The following ASIC2 variants were observed in gnomAD, a reference collection of about 807,000 sequenced individuals.
ASIC2 encodes the protein acid sensing ion channel subunit 2, also known as acid-sensing ion channel 2.
Under a neutral mutation model 57.3 loss-of-function variants are expected in ASIC2, and 25 were observed. That is an observed-to-expected ratio of 0.44 (90% CI 0.32 to 0.61). The LOEUF is 0.61. Among genes scored for constraint, ASIC2 ranks in the 20% least tolerant of loss-of-function variants. The pLI, the probability that ASIC2 is intolerant of heterozygous loss-of-function variation, is 0.06. For synonymous variants in ASIC2, 319 were observed against 307.5 expected (o/e 1.04, Z -0.39); for missense variants, 641 against 738.1 (o/e 0.87, Z 1.52).
intron 1 of ASIC2, among the ~76,000 whole-genome samples, chr17:33,511,657 C>A (rs11871105): frequency 0.67 from 101,771 of 152,082 alleles, 34,442 homozygotes; most frequent in Non-Finnish European, 0.69. Flanking sequence ...GGACTCCTGC[C>A]ATAGCCAGAG....
At chr17:34,089,074 G>T (rs1910228010) in intron 1 of ASIC2, among the ~76,000 whole-genome samples, 1 of 152,156 alleles carries the variant, frequency 6.6e-6, no homozygotes. Context: ...GCACTCCCTA[G>T]TGAGATGAAC....
chr17:33,126,455 A>G (rs1476868494), intron 1 of ASIC2, among the ~76,000 whole-genome samples: 6 of 152,236 alleles, frequency 3.9e-5, no homozygotes, highest in Non-Finnish European at 7.3e-5. Flanking sequence ...CAGAGTTGCC[A>G]GGGAGACCAT....
Position 33,111,969 on chromosome 17 carries a change from C to T in ASIC2, c.807G>A (p.Glu269=). The T allele has an allele frequency of 6.2e-7, 1 of 1,614,132 alleles. No homozygotes were observed. The highest frequency in any genetic ancestry group is 8.5e-7 in the Non-Finnish European group (1 of 1,180,012). ...TVKGGTGNGL[E]IMLDIQQDEY... ...CATCCTGCTGAATGTCCAGCATGATCTCCAGCCCGTTGCCTGTCCCCCCCT... is the reference window on the plus strand; with the variant it reads ...CATCCTGCTGAATGTCCAGCATGATTTCCAGCCCGTTGCCTGTCCCCCCCT... The change falls in exon 2 of 10, where the codon GAG becomes GAA. Residue 269 remains glutamate (E), a synonymous_variant. Coordinates refer to ENST00000225823, the MANE Select transcript of ASIC2 (RefSeq NM_183377.2).
At chr17:34,070,254 T>A (rs761803746) in intron 1 of ASIC2, 2 of 151,918 alleles carry the variant, frequency 1.3e-5, no homozygotes, top group African/African-American at 2.4e-5. Flanking sequence ...TGATGTGGTC[T>A]TACAGCCCCC....
intron 1 of ASIC2, among the ~76,000 whole-genome samples, chr17:33,766,192 T>C (rs1026627115): frequency 1.3e-5 from 2 of 152,182 alleles, no homozygotes; most frequent in Admixed American, 6.5e-5. Flanking sequence ...TTGCAGTATA[T>C]TGTTATAGTT....
chr17:34,007,202 C>A (rs1906557095), intron 1 of ASIC2, among the ~76,000 whole-genome samples: 1 of 152,124 alleles, frequency 6.6e-6, no homozygotes, highest in Non-Finnish European at 1.5e-5. Context: ...GCTCAAGTCT[C>A]CTAACCTAAG....
chr17:34,053,590 G>A (rs1177380173), intron 1 of ASIC2, among the ~76,000 whole-genome samples: 3 of 152,120 alleles, frequency 2.0e-5, no homozygotes, highest in Admixed American at 2.0e-4. Flanking sequence ...ACATGCATTA[G>A]CCCACATAAT....
chr17:33,297,795 C>T (rs1266534569), upstream of ASIC2, among the ~76,000 whole-genome samples: 1 of 151,254 alleles, frequency 6.6e-6, no homozygotes, highest in Non-Finnish European at 1.5e-5. Flanking sequence ...GTACTCCAGC[C>T]TCGGGCATCA....
At position 33,670,181 on chromosome 17, in the gene ASIC2, G is replaced by T. The variant is rs556712812; in HGVS notation, c.555+485797C>A. ...ATATCAGCCATGTCCAGCAGAGATT[G>T]AAAACCATGGGGCACCCTGCAAATG... On this transcript the variant is annotated intron_variant, in intron 1 of 9. Coordinates refer to the ASIC2 transcript ENST00000359872. Among the ~76,000 whole-genome samples, 41 of 152,256 alleles carry T rather than the reference G, an allele frequency of 2.7e-4. No individual in the cohort carries two copies. The South Asian group carries it at 8.5e-3, about 32-fold the overall frequency.
intron 1 of ASIC2, among the ~76,000 whole-genome samples, chr17:33,591,350 C>T (rs2142004889): frequency 6.6e-6 from 1 of 152,336 alleles, no homozygotes; most frequent in African/African-American, 2.4e-5. Context: ...TCCCCTTAGG[C>T]TCAGAATGGC....
Position 33,630,472 on chromosome 17 carries a change from CT to C in ASIC2, c.556-518406del, listed in dbSNP as rs555031452. Among the ~76,000 whole-genome samples the C allele has an allele frequency of 4.4e-3, 667 of 152,260 alleles. 3 individuals are homozygous for C. The highest frequency in any genetic ancestry group is 0.015 in the African/African-American group (643 of 41,546). ...GTCCTCCCCGGAGAAAGGAAAGGAC[CT>C]TGTGTGTGCCCCGTGGAGATGTCTG... On this transcript the variant is annotated intron_variant, in intron 1 of 9. Coordinates refer to the ASIC2 transcript ENST00000359872.
intron 1 of ASIC2, among the ~76,000 whole-genome samples, chr17:33,230,824 G>A (rs1387539191): frequency 1.3e-5 from 2 of 152,162 alleles, no homozygotes; most frequent in Admixed American, 6.5e-5. Context: ...CAAGGTTAAT[G>A]CTGGGCTGGG....
At chr17:33,766,745 C>T (rs1410875074) in intron 1 of ASIC2, among the ~76,000 whole-genome samples, 1 of 152,156 alleles carries the variant, frequency 6.6e-6, no homozygotes, top group Non-Finnish European at 1.5e-5. Context: ...GAGAGTTAAA[C>T]TCTGTGCTAT....
chr17:33,682,060 C>CTTTTTTTTTTT (rs58085265), intron 1 of ASIC2, among the ~76,000 whole-genome samples: 3 of 122,806 alleles, frequency 2.4e-5, no homozygotes, highest in African/African-American at 6.7e-5. Flanking sequence ...TCAGTGACAT[C>CTTTTTTTTTTT]TTTTTTTTTT....
At chr17:33,177,932 A>T (rs1052508194) in intron 1 of ASIC2, among the ~76,000 whole-genome samples, 1 of 152,012 alleles carries the variant, frequency 6.6e-6, no homozygotes, top group Non-Finnish European at 1.5e-5. Flanking sequence ...TCTCTGTGAG[A>T]CCTGATCAAA....
At chr17:33,062,916 A>G (rs1443046679) in intron 3 of ASIC2, among the ~76,000 whole-genome samples, 3 of 152,176 alleles carry the variant, frequency 2.0e-5, no homozygotes, top group Non-Finnish European at 4.4e-5. Flanking sequence ...CCATTATGTA[A>G]TGGCCTTCTT....
chr17:33,947,622 C>T (rs7216533), intron 1 of ASIC2, among the ~76,000 whole-genome samples: 4,217 of 152,262 alleles, frequency 0.028, 193 homozygotes, highest in African/African-American at 0.087. Context: ...GCATGTTCGA[C>T]TGGGGACTGG....
chr17:33,504,253 T>C (rs996710470), intron 1 of ASIC2, among the ~76,000 whole-genome samples: 13 of 152,374 alleles, frequency 8.5e-5, no homozygotes, highest in African/African-American at 3.1e-4. Context: ...CTATTTCAGT[T>C]GGAGTCTAAA....
At chr17:33,438,011 G>A (rs946604730) in intron 1 of ASIC2, among the ~76,000 whole-genome samples, 2 of 152,082 alleles carry the variant, frequency 1.3e-5, no homozygotes, top group African/African-American at 2.4e-5. Context: ...CTGAGTAGAG[G>A]TCTCCTTGTA....
Sources: allele counts gnomAD v4.1 joint callset (sites outside exome capture counted in the v4.1 genomes callset), GRCh38; gene constraint gnomAD v4.1.1; transcripts MANE v1.5; gene names NCBI Gene and HGNC (gene_info 2026-07-23, HGNC 2026-07-21).